Variants in DUOX2 observed in about 807,000 individuals in gnomAD.
DUOX2 encodes NADH/NADPH thyroid oxidase p138-tox.
Under a neutral mutation model 183.3 loss-of-function variants are expected in DUOX2, and 185 were observed. The observed-to-expected ratio is 1.01, with a 90% CI of 0.90 to 1.14. The LOEUF is 1.14. Among genes scored for constraint, DUOX2 ranks in the 50% most tolerant of loss-of-function variants. The probability of loss-of-function intolerance (pLI) is 0.00; values close to 1 mark genes in which losing one functional copy is unlikely to be tolerated. For missense variants in DUOX2, 1,999 were observed against 2,022.9 expected, an observed-to-expected ratio of 0.99 and a Z score of 0.23; for synonymous variants, 788 against 812.4, an observed-to-expected ratio of 0.97 and a Z score of 0.51.
rs1476548773 is a variant in DUOX2, at chr15:45,111,982, A to G, written c.326-27T>C. 4 of 1,611,324 alleles carry G rather than the reference A, an allele frequency of 2.5e-6. No individual in the cohort carries two copies. In the South Asian group the frequency reaches 4.4e-5, roughly 18 times the overall value. On this transcript the variant is annotated intron_variant, in intron 4 of 33. Transcript: ENST00000389039. ...TGCGGGCATGGGGCGCCAATACGTG[A>G]CAAACCGTCCGTATTGCGCCCTCCC...
In DUOX2 at chr15:45,106,191, G is replaced by C; in HGVS notation, c.2082C>G (p.Asn694Lys). 6.2e-7 allele frequency: 1 copy of C among 1,614,208 alleles called. No individual in the cohort carries two copies. Among genetic ancestry groups the C allele is most frequent in the Non-Finnish European group, 8.5e-7 (1 of 1,180,038 alleles). Residue 694 changes from asparagine to lysine, a missense_variant, in exon 17 of 34, where the codon AAC becomes AAG. Physicochemically the swap from Asn to Lys is moderately conservative, Grantham distance 94. Transcript: ENST00000389039. The stretch of plus-strand genomic sequence containing the variant: ...ATCCTCGGTTGTTGGACAGGATGAG[G>C]TTGACCTGCTGCAGAGGCTGCAGCT... ...VVQLQPLQQV[N>K]LILSNNRGCR...
At position 45,111,737 on chromosome 15, in the gene DUOX2, C is replaced by A. The variant is rs1325035919; in HGVS notation, c.513+31G>T. ...GCCCAGGCCCCACCTGGCTGGGGTG[C>A]GGTCCCTTCCCGCCGCCTTCCCCGC... On this transcript the variant is annotated intron_variant, in intron 5 of 33. Coordinates refer to ENST00000389039, the MANE Select transcript of DUOX2 (RefSeq NM_001363711.2). 3.9e-6 allele frequency: 6 copies of A among 1,519,668 alleles called. No homozygotes were observed. In the Admixed American group the frequency reaches 1.0e-4, roughly 26 times the overall value. The allele number at this position is 1,519,668 out of a possible 1,614,324, so 94.1% of individuals were successfully genotyped here.
Position 45,103,048 on chromosome 15 carries a change from C to G in DUOX2, c.2654+912G>C, listed in dbSNP as rs140875545. Among the ~76,000 whole-genome samples, 423 of 152,302 alleles carry G rather than the reference C, an allele frequency of 2.8e-3. 3 individuals are homozygous for G. The highest frequency in any genetic ancestry group is 9.6e-3 in the African/African-American group (401 of 41,566). On this transcript the variant is annotated intron_variant, in intron 20 of 33. Coordinates refer to ENST00000389039, the MANE Select transcript of DUOX2 (RefSeq NM_001363711.2). ...AGCCCTTGGAGGCAGGGACCCTCTC[C>G]TAGATTCCCTTGAGCCTCACCTCGG...
chr15:45,095,390 A>T (rs777904484), intron 31 of DUOX2, 47 bp downstream of exon 31: 1 of 1,612,978 alleles, frequency 6.2e-7, no homozygotes, highest in African/African-American at 1.3e-5. Flanking sequence ...GCGGGTCACA[A>T]TTCGGCCACC....
chr15:45,097,967 C>A, intron 27 of DUOX2, 42 bp downstream of exon 27: 2 of 1,603,070 alleles, frequency 1.2e-6, no homozygotes, highest in Non-Finnish European at 1.7e-6. Context: ...GAGACAAAAG[C>A]AGAAGTCCTC....
intron 1 of DUOX2, 84 bp from the exon 2 acceptor site, chr15:45,113,509 G>A: frequency 1.8e-6 from 2 of 1,081,908 alleles, no homozygotes; most frequent in South Asian, 1.3e-5. Flanking sequence ...TGTTCCTACA[G>A]CTAGTACTGG....
chr15:45,108,465 C>G, intron 12 of DUOX2: 1 of 604,184 alleles, frequency 1.7e-6, no homozygotes, highest in Non-Finnish European at 2.9e-6. Flanking sequence ...ACCAGCCTGC[C>G]TGACCTCAAT....
chr15:45,095,195 A>G lies in DUOX2; in HGVS notation c.4240-104T>C. The G allele has an allele frequency of 2.0e-6, 3 of 1,490,150 alleles. No individual in the cohort carries two copies. The South Asian group carries it at 3.9e-5, about 19-fold the overall frequency. 92.3% of individuals were successfully genotyped at this position (1,490,150 alleles called of 1,614,324 possible). The stretch of plus-strand genomic sequence containing the variant: ...GGGAAGCCCCAGACCACCTGCAGAC[A>G]CCAAAGCTGTGGCAGGACCCACCAG... On this transcript the variant is annotated intron_variant, in intron 31 of 33. Coordinates refer to ENST00000389039, the MANE Select transcript of DUOX2 (RefSeq NM_001363711.2).
At chr15:45,105,616 A>C in intron 18 of DUOX2, 27 bp downstream of exon 18, 2 of 1,614,074 alleles carry the variant, frequency 1.2e-6, no homozygotes, top group Non-Finnish European at 1.7e-6. Flanking sequence ...GGCTGGACCC[A>C]TCTCCAAAAG....
rs3833011 is a variant in DUOX2, at chr15:45,103,757, CCAGA to C, written c.2654+199_2654+202del. On this transcript the variant is annotated intron_variant, in intron 20 of 33. Transcript: ENST00000389039. ...GGCTTTTCTGGCTGGTGTTGACAGT[CCAGA>C]CAGAGACTCTCCCAGAGGCAGGAGC... Among the ~76,000 whole-genome samples, 11 of 151,682 alleles carry C rather than the reference CCAGA, an allele frequency of 7.3e-5. No homozygotes were observed. In the East Asian group the frequency reaches 1.9e-3, roughly 27 times the overall value.
At chr15:45,101,130 AGCC>A (rs1894070550) in intron 22 of DUOX2, 72 bp downstream of exon 22, 12 of 1,359,594 alleles carry the variant, frequency 8.8e-6, no homozygotes, top group Non-Finnish European at 1.3e-5. Context: ...GGGGCTGATC[AGCC>A]AGTCCTACTC....
chr15:45,095,840 AGCACAGCCATT>A lies in DUOX2; in HGVS notation c.4057_4067del (p.Asn1353TrpfsTer8). 6.2e-7 allele frequency: 1 copy of A among 1,614,056 alleles called. No homozygotes were observed. Among genetic ancestry groups the A allele is most frequent in the East Asian group, 2.2e-5 (1 of 44,880 alleles). On this transcript the variant is annotated frameshift_variant, in exon 30 of 34. Transcript: ENST00000389039. LOFTEE classifies it high-confidence loss of function. ...CAGTGACGGGCACCTTTGGGTATCC[AGCACAGCCATT>A]GCCCTTTGGGGATGAGTAGATCTCC...
At chr15:45,109,368 A>T in intron 11 of DUOX2, 156 bp downstream of exon 11, 3 of 657,386 alleles carry the variant, frequency 4.6e-6, no homozygotes, top group Non-Finnish European at 5.3e-6. Flanking sequence ...AAAAAAAAAA[A>T]GTTCAAAGTT....
At chr15:45,097,425 C>T in intron 28 of DUOX2, 34 bp from the exon 29 acceptor site, 1 of 1,614,164 alleles carries the variant, frequency 6.2e-7, no homozygotes, top group Non-Finnish European at 8.5e-7. Context: ...AACTCAGGCC[C>T]AGCCAGGCCC....
At chr15:45,105,865 C>A in intron 17 of DUOX2, 37 bp from the exon 18 acceptor site, 1 of 1,612,166 alleles carries the variant, frequency 6.2e-7, no homozygotes. Context: ...GCAGGGAGCT[C>A]GCTGGACCTT....
intron 12 of DUOX2, 141 bp from the exon 13 acceptor site, chr15:45,108,363 T>A: frequency 1.0e-6 from 1 of 1,003,518 alleles, no homozygotes; most frequent in African/African-American, 1.6e-5. Flanking sequence ...GCAAGCCCCC[T>A]CAGGCAGGAC....
intron 10 of DUOX2, 66 bp from the exon 11 acceptor site, chr15:45,109,692 A>G (rs1334111320): frequency 5.2e-6 from 8 of 1,529,800 alleles, no homozygotes; most frequent in Non-Finnish European, 7.2e-6. Context: ...AGCCTGGACC[A>G]CTTTAGTACC....
intron 24 of DUOX2, 72 bp from the exon 25 acceptor site, chr15:45,099,964 A>G: frequency 6.2e-7 from 1 of 1,611,998 alleles, no homozygotes; most frequent in South Asian, 1.1e-5. Flanking sequence ...TCTCCCATGC[A>G]GACTCTTAGG....
intron 26 of DUOX2, among the ~76,000 whole-genome samples, 154 bp from the exon 27 acceptor site, chr15:45,098,212 C>T (rs918796615): frequency 2.0e-5 from 3 of 152,192 alleles, no homozygotes; most frequent in South Asian, 2.1e-4. Context: ...AACTTGGCAC[C>T]CAGGCTTCCA....
Sources: gnomAD v4.1 joint callset for allele counts (sites outside exome capture counted in the v4.1 genomes callset) on GRCh38, gnomAD v4.1.1 for gene constraint, MANE v1.5 for transcripts, NCBI Gene and HGNC (gene_info 2026-07-23, HGNC 2026-07-21) for gene names.